Variants in CMAS observed in about 807,000 individuals in gnomAD.
CMAS encodes N-acylneuraminate cytidylyltransferase.
Under a neutral mutation model 53.4 loss-of-function variants are expected in CMAS, and 21 were observed. That is an observed-to-expected ratio of 0.39 (90% CI 0.28 to 0.57). The LOEUF (loss-of-function observed/expected upper bound fraction) is 0.57. CMAS is among the 20% of genes least tolerant of loss of function. The pLI, the probability that CMAS is intolerant of heterozygous loss-of-function variation, is 0.56. For synonymous variants in CMAS, 189 were observed against 195.2 expected, an observed-to-expected ratio of 0.97 and a Z score of 0.27; for missense variants, 384 against 534.9, an observed-to-expected ratio of 0.72 and a Z score of 2.78.
intron 1 of CMAS, among the ~76,000 whole-genome samples, chr12:22,048,035 C>T (rs1016404901): frequency 6.6e-6 from 1 of 152,056 alleles, no homozygotes; most frequent in Admixed American, 6.5e-5. Flanking sequence ...ACTGGCATAA[C>T]AAAAGAGGGA....
At chr12:22,055,665 G>A in intron 3 of CMAS, 55 bp downstream of exon 3, 2 of 1,485,810 alleles carry the variant, frequency 1.3e-6, no homozygotes, top group Non-Finnish European at 1.8e-6. Flanking sequence ...CAATTTTTTT[G>A]TATATAAATA....
intron 6 of CMAS, among the ~76,000 whole-genome samples, 156 bp from the exon 7 acceptor site, chr12:22,062,125 A>ACAGT (rs1451646367): frequency 1.3e-5 from 2 of 152,176 alleles, no homozygotes; most frequent in African/African-American, 2.4e-5. Context: ...TTTTAATTCG[A>ACAGT]CAGTCAGTTT....
At chr12:22,055,751 A>AT (rs1950263990) in intron 3 of CMAS, 141 bp downstream of exon 3, 2 of 671,544 alleles carry the variant, frequency 3.0e-6, no homozygotes, top group Non-Finnish European at 4.9e-6. Flanking sequence ...AGGTAATGAC[A>AT]TTTACAATCA....
At chr12:22,061,534 A>G (rs1950308527) in intron 6 of CMAS, 82 bp downstream of exon 6, 1 of 933,218 alleles carries the variant, frequency 1.1e-6, no homozygotes, top group Non-Finnish European at 1.5e-6. Flanking sequence ...AGAGATTTAA[A>G]TTTTTAGTAT....
At chr12:22,063,480 G>C (rs1950322232) in intron 7 of CMAS, among the ~76,000 whole-genome samples, 1 of 151,852 alleles carries the variant, frequency 6.6e-6, no homozygotes, top group Non-Finnish European at 1.5e-5. Flanking sequence ...TTTCTACTTA[G>C]AATATAAACA....
chr12:22,057,797 T>C (rs920043876), intron 3 of CMAS, among the ~76,000 whole-genome samples: 3 of 152,040 alleles, frequency 2.0e-5, no homozygotes, highest in African/African-American at 4.8e-5. Context: ...TCATCAGAAT[T>C]ATTACAGATT....
At chr12:22,060,768 T>C (rs1950304100) in intron 4 of CMAS, 64 bp from the exon 5 acceptor site, 1 of 906,468 alleles carries the variant, frequency 1.1e-6, no homozygotes, top group Non-Finnish European at 1.9e-6. Flanking sequence ...TGTATTATAA[T>C]AAAGTTTTGA....
chr12:22,056,410 G>A (rs1018628332), intron 3 of CMAS, among the ~76,000 whole-genome samples: 1 of 152,104 alleles, frequency 6.6e-6, no homozygotes, highest in Non-Finnish European at 1.5e-5. Flanking sequence ...TCCAGAGAGG[G>A]TACACCTTTT....
At chr12:22,061,028 T>TA (rs1565531726) in intron 5 of CMAS, 102 bp downstream of exon 5, 1 of 802,776 alleles carries the variant, frequency 1.2e-6, no homozygotes, top group Non-Finnish European at 2.1e-6. Flanking sequence ...TCTTTGTAAT[T>TA]ACTTTGTTCA....
rs376643673 is a variant in CMAS, at chr12:22,058,712, C to A, written c.693+12C>A. The stretch of plus-strand genomic sequence containing the variant: ...TGGGTTACTTGCAGGTTTGTACCTT[C>A]ATTTTGCATAACCCTTTTAAGCGCT... On this transcript the variant is annotated intron_variant, in intron 4 of 7. Transcript: ENST00000229329. 2 of 1,610,958 alleles carry A rather than the reference C, an allele frequency of 1.2e-6. No homozygotes were observed. The highest frequency in any genetic ancestry group is 1.7e-6 in the Non-Finnish European group (2 of 1,178,700).
intron 1 of CMAS, among the ~76,000 whole-genome samples, chr12:22,051,873 C>CATTT (rs10640090): frequency 0.81 from 122,880 of 151,590 alleles, 50,069 homozygotes; most frequent in African/African-American, 0.87. Flanking sequence ...GAATAGCTAA[C>CATTT]ATTAAATGTT....
At chr12:22,051,233 A>C (rs530407793) in intron 1 of CMAS, among the ~76,000 whole-genome samples, 1 of 152,304 alleles carries the variant, frequency 6.6e-6, no homozygotes, top group Non-Finnish European at 1.5e-5. Flanking sequence ...CCTTTAGTAC[A>C]AAGTTATTGC....
Position 22,055,245 on chromosome 12 carries a change from C to T in CMAS, c.357C>T (p.Ser119=), listed in dbSNP as rs748270722. 4 of 1,609,788 alleles carry T rather than the reference C, an allele frequency of 2.5e-6. No homozygotes were observed. In the South Asian group the frequency reaches 3.3e-5, roughly 13 times the overall value. Residue 119 remains serine (S), a synonymous_variant, in exon 2 of 8, where the codon AGC becomes AGT. Transcript: ENST00000229329. ...HRRSSEVSKD[S]STSLDAIIEF... is the part of the protein sequence containing the mutation. ...GAAGTTCTGAAGTTTCAAAAGACAG[C>T]TCTACCTCACTAGATGCCATCATAG... is the stretch of plus-strand genomic sequence containing the variant.
At chr12:22,060,317 G>C (rs1950299795) in intron 4 of CMAS, among the ~76,000 whole-genome samples, 1 of 101,880 alleles carries the variant, frequency 9.8e-6, no homozygotes, top group Non-Finnish European at 1.9e-5. Flanking sequence ...TATTTCTTTT[G>C]TGTGAGCTTT....
In CMAS at chr12:22,055,145, A is replaced by G; in HGVS notation, c.261-4A>G. The G allele has an allele frequency of 6.3e-7, 1 of 1,587,256 alleles. No homozygotes were observed. Among genetic ancestry groups the G allele is most frequent in the Non-Finnish European group, 8.5e-7 (1 of 1,170,318 alleles). On this transcript the variant is annotated splice_region_variant and splice_polypyrimidine_tract_variant and intron_variant, in intron 1 of 7. Transcript: ENST00000229329. ...GCTGTTAATTTCTTTTGATATCTGA[A>G]CAGTGTATGGGTTTCGACAGACCAT...
intron 6 of CMAS, 32 bp downstream of exon 6, chr12:22,061,484 TA>T: frequency 7.2e-7 from 1 of 1,395,186 alleles, no homozygotes; most frequent in Non-Finnish European, 9.7e-7. Context: ...CAGTATTTTA[TA>T]ATATTTTGAT....
At chr12:22,053,963 G>C (rs926491483) in intron 1 of CMAS, among the ~76,000 whole-genome samples, 1 of 148,680 alleles carries the variant, frequency 6.7e-6, no homozygotes, top group African/African-American at 2.5e-5. Context: ...GTCTCGCTGT[G>C]TCTCTCAGGC....
chr12:22,057,619 C>A (rs1950276687), intron 3 of CMAS, among the ~76,000 whole-genome samples: 1 of 151,592 alleles, frequency 6.6e-6, no homozygotes, highest in Non-Finnish European at 1.5e-5. Context: ...ATTAAAGGGC[C>A]CAAATATTAA....
At chr12:22,052,463 C>T (rs12427354) in intron 1 of CMAS, among the ~76,000 whole-genome samples, 26,833 of 151,980 alleles carry the variant, frequency 0.18, 2,783 homozygotes, top group Middle Eastern at 0.31. Context: ...GACCACTGAA[C>T]CCTCTGGTAT....
Sources: allele counts gnomAD v4.1 joint callset (sites outside exome capture counted in the v4.1 genomes callset), GRCh38; gene constraint gnomAD v4.1.1; transcripts MANE v1.5; gene names NCBI Gene and HGNC (gene_info 2026-07-23, HGNC 2026-07-21).